SCML4: variants seen among roughly 807,000 people sequenced by gnomAD.
The protein encoded by SCML4 is sex comb on midleg-like protein 4.
In SCML4, 34 loss-of-function variants were observed where a neutral mutation model predicts 41.1. The observed-to-expected ratio is 0.83, with a 90% CI of 0.63 to 1.10. The LOEUF is 1.10. SCML4 is among the 50% of genes least tolerant of loss of function. The probability of loss-of-function intolerance (pLI) is 0.00; values close to 1 mark genes in which losing one functional copy is unlikely to be tolerated. For synonymous variants in SCML4, 214 were observed against 220.9 expected, an observed-to-expected ratio of 0.97 and a Z score of 0.28; for missense variants, 522 against 534.1, an observed-to-expected ratio of 0.98 and a Z score of 0.22.
At chr6:107,712,035 G>A (rs1336766648) in intron 6 of SCML4, among the ~76,000 whole-genome samples, 1 of 152,106 alleles carries the variant, frequency 6.6e-6, no homozygotes, top group African/African-American at 2.4e-5. Context: ...TTGGCACGGG[G>A]CATTTTTCTG....
chr6:107,764,347 T>A (rs1205182977), intron 2 of SCML4, among the ~76,000 whole-genome samples: 1 of 152,218 alleles, frequency 6.6e-6, no homozygotes, highest in Non-Finnish European at 1.5e-5. Context: ...TAACACTTTC[T>A]TAGGAAAGTA....
chr6:107,783,720 G>C (rs1387429227), intron 1 of SCML4, among the ~76,000 whole-genome samples: 1 of 151,544 alleles, frequency 6.6e-6, no homozygotes, highest in Non-Finnish European at 1.5e-5. Context: ...GTCTGAGTTT[G>C]CCTGATGGCA....
intron 6 of SCML4, chr6:107,720,438 T>C: frequency 8.7e-7 from 1 of 1,144,706 alleles, no homozygotes; most frequent in Non-Finnish European, 1.1e-6. Flanking sequence ...CAAAAATTTC[T>C]ATGGTATTTG....
intron 1 of SCML4, among the ~76,000 whole-genome samples, chr6:107,820,001 C>G (rs535944181): frequency 6.6e-6 from 1 of 152,324 alleles, no homozygotes; most frequent in Admixed American, 6.5e-5. Context: ...GGTGTTTTAT[C>G]TCCTCCGCGG....
chr6:107,820,253 G>A (rs1784848018), intron 1 of SCML4, among the ~76,000 whole-genome samples: 1 of 152,186 alleles, frequency 6.6e-6, no homozygotes, highest in Non-Finnish European at 1.5e-5. Context: ...AAGAGAGGAG[G>A]CTGACTTTTG....
chr6:107,819,040 C>T (rs892776010), intron 1 of SCML4, among the ~76,000 whole-genome samples: 1 of 149,758 alleles, frequency 6.7e-6, no homozygotes, highest in Non-Finnish European at 1.5e-5. Context: ...GAAAAGGCCC[C>T]TATGGTCTAT....
chr6:107,779,130 A>G (rs929686980), intron 1 of SCML4, among the ~76,000 whole-genome samples: 2 of 152,210 alleles, frequency 1.3e-5, no homozygotes, highest in African/African-American at 2.4e-5. Context: ...CAGTGAGACA[A>G]GATCGCGCCA....
the SCML4 span, among the ~76,000 whole-genome samples, chr6:107,839,138 C>CA: frequency 3.3e-5 from 5 of 151,692 alleles, no homozygotes; most frequent in Admixed American, 1.3e-4. Flanking sequence ...TACAAAAATA[C>CA]AAAAATGAGC....
Position 107,745,925 on chromosome 6 carries a change from C to G in SCML4, c.487+764G>C, listed in dbSNP as rs1421788521. 12 of 152,116 alleles carry G rather than the reference C, an allele frequency of 7.9e-5. No homozygotes were observed. In the East Asian group the frequency reaches 2.1e-3, roughly 27 times the overall value. 9.4% of individuals were successfully genotyped at this position (152,116 alleles called of 1,614,324 possible). A position where few individuals can be genotyped will look rare whatever the true frequency, so the allele number is the denominator to read the frequency against. On this transcript the variant is annotated intron_variant, in intron 4 of 7. Transcript: ENST00000369020. ...GGAAGATCGCTTGAGCCCGGAAGATCGAGGCTGCAGTGAGCCGTGATTGTG... is the reference window on the plus strand; with the variant it reads ...GGAAGATCGCTTGAGCCCGGAAGATGGAGGCTGCAGTGAGCCGTGATTGTG...
chr6:107,786,845 G>T (rs1439387330), intron 1 of SCML4, among the ~76,000 whole-genome samples: 1 of 152,272 alleles, frequency 6.6e-6, no homozygotes, highest in East Asian at 1.9e-4. Context: ...CAACAACAAG[G>T]CCACTGCAAT....
intron 1 of SCML4, among the ~76,000 whole-genome samples, chr6:107,790,245 T>C (rs1025687820): frequency 6.6e-6 from 1 of 152,208 alleles, no homozygotes; most frequent in Non-Finnish European, 1.5e-5. Flanking sequence ...ACAGTAGTAT[T>C]ACCATGGACA....
chr6:107,784,289 T>C (rs1473677808), intron 1 of SCML4, among the ~76,000 whole-genome samples: 1 of 152,142 alleles, frequency 6.6e-6, no homozygotes, highest in East Asian at 1.9e-4. Flanking sequence ...GCAAAACCCG[T>C]AAGTCAAGAG....
intron 2 of SCML4, among the ~76,000 whole-genome samples, chr6:107,761,358 T>C (rs1264380083): frequency 1.3e-5 from 2 of 151,728 alleles, no homozygotes; most frequent in Admixed American, 1.3e-4. Context: ...TACAGATTAC[T>C]TTCCAAGAAA....
the SCML4 span, among the ~76,000 whole-genome samples, chr6:107,844,976 C>G: frequency 1.3e-5 from 2 of 150,788 alleles, no homozygotes; most frequent in African/African-American, 4.9e-5. Context: ...TGGCTCACAC[C>G]TGTAACCCCA....
chr6:107,843,143 C>T, the SCML4 span, among the ~76,000 whole-genome samples: 195 of 152,186 alleles, frequency 1.3e-3, 1 homozygote, highest in Middle Eastern at 3.4e-3. Context: ...GCCAAGATTT[C>T]TTCCAAAATT....
intron 1 of SCML4, among the ~76,000 whole-genome samples, chr6:107,807,363 C>T (rs1783817756): frequency 6.6e-6 from 1 of 152,130 alleles, no homozygotes; most frequent in African/African-American, 2.4e-5. Context: ...ATTTTGCACT[C>T]CCTCCCCCAG....
At chr6:107,728,250 A>G (rs1043779734) in intron 5 of SCML4, among the ~76,000 whole-genome samples, 2 of 152,240 alleles carry the variant, frequency 1.3e-5, no homozygotes, top group East Asian at 1.9e-4. Context: ...CGCAGATGGC[A>G]GATCATTCCC....
At chr6:107,730,302 C>A (rs1562192074) in intron 5 of SCML4, among the ~76,000 whole-genome samples, 1 of 152,058 alleles carries the variant, frequency 6.6e-6, no homozygotes, top group Non-Finnish European at 1.5e-5. Flanking sequence ...AGAGTCCCGG[C>A]AGACCGTAGG....
intron 6 of SCML4, among the ~76,000 whole-genome samples, chr6:107,714,333 C>T (rs1774537226): frequency 6.6e-6 from 1 of 152,082 alleles, no homozygotes; most frequent in South Asian, 2.1e-4. Context: ...AAGCCTCCAG[C>T]CATCCCTCCT....
Sources: allele counts gnomAD v4.1 joint callset (sites outside exome capture counted in the v4.1 genomes callset), GRCh38; gene constraint gnomAD v4.1.1; transcripts MANE v1.5; gene names NCBI Gene and HGNC (gene_info 2026-07-23, HGNC 2026-07-21).